The following SPSB4 variants were observed in gnomAD, a reference collection of about 807,000 sequenced individuals.
The protein encoded by SPSB4 is splA/ryanodine receptor domain and SOCS box containing 4, also known as SPRY domain-containing SOCS box protein 4.
In SPSB4, 21 loss-of-function variants were observed where a neutral mutation model predicts 20.9. The observed-to-expected ratio is 1.01, with a 90% CI of 0.71 to 1.45. The LOEUF is 1.45. Ranked by LOEUF, SPSB4 falls within the 40% of genes most tolerant of loss-of-function variation. The pLI, the probability that SPSB4 is intolerant of heterozygous loss-of-function variation, is 0.00. For missense variants in SPSB4, 399 were observed against 399.2 expected (o/e 1.00, Z 0.00); for synonymous variants, 207 against 183.8 (o/e 1.13, Z -1.02).
intron 1 of SPSB4, among the ~76,000 whole-genome samples, chr3:141,058,139 A>T (rs1294092462): frequency 1.3e-5 from 2 of 151,706 alleles, no homozygotes; most frequent in South Asian, 4.2e-4. Flanking sequence ...CTTCTTGCAG[A>T]CCCCGTGCCT....
chr3:141,135,499 C>G (rs980041719), intron 2 of SPSB4, among the ~76,000 whole-genome samples: 3 of 150,972 alleles, frequency 2.0e-5, no homozygotes, highest in East Asian at 3.9e-4. Flanking sequence ...CCCCTCCCCC[C>G]ACCCCACACC....
intron 2 of SPSB4, chr3:141,115,307 C>T (rs1324612438): frequency 6.6e-6 from 1 of 152,234 alleles, no homozygotes. Flanking sequence ...CAGGTACTGA[C>T]ATCCCTAACG....
intron 2 of SPSB4, among the ~76,000 whole-genome samples, chr3:141,134,597 A>G (rs1264673054): frequency 6.6e-6 from 1 of 152,028 alleles, no homozygotes; most frequent in Non-Finnish European, 1.5e-5. Context: ...GTTTTTAATT[A>G]TGTTTATGTG....
intron 2 of SPSB4, among the ~76,000 whole-genome samples, chr3:141,090,306 C>A (rs1200869822): frequency 6.6e-6 from 1 of 152,218 alleles, no homozygotes; most frequent in Non-Finnish European, 1.5e-5. Context: ...ACAAAAGTCT[C>A]TGTCCTCATG....
chr3:141,139,045 A>G (rs1216560358), intron 2 of SPSB4, among the ~76,000 whole-genome samples: 1 of 152,124 alleles, frequency 6.6e-6, no homozygotes, highest in Non-Finnish European at 1.5e-5. Flanking sequence ...TATATTTAGG[A>G]TAGTTAGTTC....
chr3:141,090,541 G>A lies in SPSB4; in HGVS notation c.694+23743G>A, dbSNP rs4683552. On this transcript the variant is annotated intron_variant, in intron 2 of 2. Transcript: ENST00000310546. Reference sequence around the variant, plus strand: ...AGAGGGGAGGGAGTGAGCTATGTGGGTATCTCTGGGGAGGGTTATCCAGGC... The same window carrying A: ...AGAGGGGAGGGAGTGAGCTATGTGGATATCTCTGGGGAGGGTTATCCAGGC... 5.3e-5 allele frequency among the ~76,000 whole-genome samples: 8 copies of A among 152,178 alleles called. No homozygotes were observed. The East Asian group carries it at 5.8e-4, about 11-fold the overall frequency.
chr3:141,097,320 G>A (rs1369426960), intron 2 of SPSB4, among the ~76,000 whole-genome samples: 1 of 152,242 alleles, frequency 6.6e-6, no homozygotes, highest in African/African-American at 2.4e-5. Context: ...ACCCAGGGAT[G>A]GTATTTCAAC....
At chr3:141,093,960 T>A (rs1244770232) in intron 2 of SPSB4, among the ~76,000 whole-genome samples, 1 of 152,074 alleles carries the variant, frequency 6.6e-6, no homozygotes, top group Non-Finnish European at 1.5e-5. Flanking sequence ...CTCTGGGAAG[T>A]GGAGGCTAGC....
At chr3:141,112,248 T>G (rs1031920738) in intron 2 of SPSB4, among the ~76,000 whole-genome samples, 3 of 152,152 alleles carry the variant, frequency 2.0e-5, no homozygotes, top group Non-Finnish European at 2.9e-5. Context: ...TTATGGAAAG[T>G]TCTTAGAACA....
rs1553738399 is a variant in SPSB4, at chr3:141,075,118, C to CAATGCAGTTTCTGAGTCCAT, written c.694+8338_694+8339insATAATGCAGTTTCTGAGTCC. ...CATCAGAAACAAGGGAGTGAGAATTCAATGCAGTTTCTGAGTCCGTATTGA... is the reference window on the plus strand; with the variant it reads ...CATCAGAAACAAGGGAGTGAGAATTCAATGCAGTTTCTGAGTCCATAATGCAGTTTCTGAGTCCGTATTGA... On this transcript the variant is annotated intron_variant, in intron 2 of 2. Coordinates refer to ENST00000310546, the MANE Select transcript of SPSB4 (RefSeq NM_080862.3). 1.8e-3 allele frequency among the ~76,000 whole-genome samples: 273 copies of CAATGCAGTTTCTGAGTCCAT among 151,362 alleles called. 1 individual carries two copies. The highest frequency in any genetic ancestry group is 0.014 in the Admixed American group (216 of 15,196).
intron 2 of SPSB4, among the ~76,000 whole-genome samples, chr3:141,073,809 A>G (rs1037924269): frequency 1.2e-4 from 18 of 152,058 alleles, no homozygotes; most frequent in African/African-American, 3.9e-4. Flanking sequence ...TCCATCTCTC[A>G]TTGTGTCCTG....
chr3:141,051,376 C>G lies in SPSB4; in HGVS notation c.-770C>G, dbSNP rs879086036. The G allele has an allele frequency of 4.5e-5, 7 of 154,882 alleles. No individual in the cohort carries two copies. The highest frequency in any genetic ancestry group is 1.7e-4 in the African/African-American group (7 of 41,354). 9.6% of individuals were successfully genotyped at this position (154,882 alleles called of 1,614,324 possible). On this transcript the variant is annotated 5_prime_UTR_variant, in exon 1 of 3. Transcript: ENST00000310546. ...CGGCTTTCAGCTGCAGCCTCCGGGC[C>G]GGCCGGGAAGGCGGGGAGCGGGCGG... is the stretch of plus-strand genomic sequence containing the variant.
intron 1 of SPSB4, among the ~76,000 whole-genome samples, chr3:141,055,611 G>T (rs1937623070): frequency 6.6e-6 from 1 of 152,226 alleles, no homozygotes; most frequent in Admixed American, 6.5e-5. Flanking sequence ...GAGACCAGTG[G>T]AGTAATCCAG....
intron 1 of SPSB4, among the ~76,000 whole-genome samples, chr3:141,055,649 C>T (rs967723347): frequency 2.0e-5 from 3 of 152,060 alleles, no homozygotes; most frequent in Admixed American, 6.5e-5. Flanking sequence ...GGAAAGCTGA[C>T]GGGGTTGAGT....
intron 2 of SPSB4, among the ~76,000 whole-genome samples, chr3:141,134,583 T>C (rs1939194132): frequency 6.6e-6 from 1 of 152,204 alleles, no homozygotes. Context: ...CTTATATGAT[T>C]TTTGTTTTTA....
At chr3:141,072,770 C>T (rs1938030699) in intron 2 of SPSB4, among the ~76,000 whole-genome samples, 1 of 152,180 alleles carries the variant, frequency 6.6e-6, no homozygotes, top group South Asian at 2.1e-4. Flanking sequence ...TAAATACTAC[C>T]AAAGGGCGTA....
At chr3:141,089,724 A>G (rs559230268) in intron 2 of SPSB4, among the ~76,000 whole-genome samples, 17 of 152,350 alleles carry the variant, frequency 1.1e-4, no homozygotes. Context: ...ACATTTGGAC[A>G]GAACCTCTTA....
chr3:141,056,835 C>T (rs945385493), intron 1 of SPSB4, among the ~76,000 whole-genome samples: 1 of 152,224 alleles, frequency 6.6e-6, no homozygotes, highest in African/African-American at 2.4e-5. Flanking sequence ...ACCGGGCTGG[C>T]CCGGACTGCA....
rs143295798 is a variant in SPSB4, at chr3:141,082,150, G to A, written c.694+15352G>A. 1.4e-3 allele frequency among the ~76,000 whole-genome samples: 208 copies of A among 152,306 alleles called. 1 individual carries two copies. The Middle Eastern group carries it at 0.017, about 12-fold the overall frequency. On this transcript the variant is annotated intron_variant, in intron 2 of 2. Transcript: ENST00000310546. ...CACATTCCTTGTCCCTGACACATGTGTGCATCTGGCTGGGTCTGGTTGTCA... is the reference window on the plus strand; with the variant it reads ...CACATTCCTTGTCCCTGACACATGTATGCATCTGGCTGGGTCTGGTTGTCA...
Sources: allele counts gnomAD v4.1 joint callset (sites outside exome capture counted in the v4.1 genomes callset), GRCh38; gene constraint gnomAD v4.1.1; transcripts MANE v1.5; gene names NCBI Gene and HGNC (gene_info 2026-07-23, HGNC 2026-07-21).